The following KAT6A variants were observed in gnomAD, a reference collection of about 807,000 sequenced individuals.
The protein encoded by KAT6A is lysine acetyltransferase 6A.
A neutral mutation model predicts 198.4 loss-of-function variants in KAT6A; 9 were observed. That is an observed-to-expected ratio of 0.05 (90% CI 0.03 to 0.08). The LOEUF is 0.08. KAT6A is among the 10% of genes least tolerant of loss of function. The pLI is 1.00. For synonymous variants in KAT6A, 890 were observed against 883.0 expected (o/e 1.01, Z -0.14); for missense variants, 2,077 against 2,509.9 (o/e 0.83, Z 3.69).
chr8:41,976,488 G>A (rs1205225231), intron 7 of KAT6A, among the ~76,000 whole-genome samples: 1 of 152,144 alleles, frequency 6.6e-6, no homozygotes, highest in Non-Finnish European at 1.5e-5. Context: ...CTGTGGTTCT[G>A]TCTCTCCCTT....
intron 2 of KAT6A, among the ~76,000 whole-genome samples, chr8:42,031,367 T>A (rs1427331258): frequency 6.6e-6 from 1 of 152,178 alleles, no homozygotes; most frequent in Non-Finnish European, 1.5e-5. Flanking sequence ...CTAGAATACA[T>A]CTGATACCCT....
intron 2 of KAT6A, among the ~76,000 whole-genome samples, chr8:42,015,184 T>C (rs776390842): frequency 2.0e-4 from 31 of 152,216 alleles, no homozygotes; most frequent in Non-Finnish European, 4.1e-4. Context: ...ATATGTCCAA[T>C]GTGGTCTCAT....
At chr8:42,018,647 G>A (rs986299719) in intron 2 of KAT6A, among the ~76,000 whole-genome samples, 3 of 152,186 alleles carry the variant, frequency 2.0e-5, no homozygotes, top group South Asian at 2.1e-4. Flanking sequence ...AACAGGCTGG[G>A]CGAGGTGGCT....
At chr8:41,962,424 T>C (rs1207235636) in intron 8 of KAT6A, among the ~76,000 whole-genome samples, 1 of 152,146 alleles carries the variant, frequency 6.6e-6, no homozygotes, top group Admixed American at 6.5e-5. Context: ...GTCTTCCAAC[T>C]GTGTTCTGGC....
rs10701182 is a variant in KAT6A at position 42,006,995 on chromosome 8, C to CAAA, written c.601-19435_601-19433dup. 9.1e-3 allele frequency among the ~76,000 whole-genome samples: 801 copies of CAAA among 88,064 alleles called. 20 individuals are homozygous for CAAA. The highest frequency in any genetic ancestry group is 0.043 in the East Asian group (119 of 2,768). 57.8% of individuals were successfully genotyped at this position (88,064 alleles called of 152,430 possible). On this transcript the variant is annotated intron_variant, in intron 2 of 16. Coordinates refer to ENST00000265713, the MANE Select transcript of KAT6A (RefSeq NM_006766.5). ...TGGATGACAGAGCAAGACTCCATCT[C>CAAA]AAAAAAAAAAAAAAAAAAAAATCAG... is the stretch of plus-strand genomic sequence containing the variant.
chr8:41,938,581 T>C (rs1821957727), intron 15 of KAT6A, among the ~76,000 whole-genome samples: 1 of 152,186 alleles, frequency 6.6e-6, no homozygotes, highest in African/African-American at 2.4e-5. Flanking sequence ...ACTTGAAGCA[T>C]CTTGTAGTGC....
chr8:42,035,203 A>T (rs1827310921), intron 2 of KAT6A, among the ~76,000 whole-genome samples: 1 of 152,230 alleles, frequency 6.6e-6, no homozygotes, highest in Admixed American at 6.5e-5. Context: ...CAAAAGACAG[A>T]CAAGTGAGGT....
chr8:42,033,153 G>A (rs571388821), intron 2 of KAT6A, among the ~76,000 whole-genome samples: 3 of 152,196 alleles, frequency 2.0e-5, no homozygotes, highest in East Asian at 1.9e-4. Flanking sequence ...GATTACAGGC[G>A]TGAGCCACTG....
rs1284599418 is a variant in KAT6A at position 42,051,940 on chromosome 8, G to C, written c.-365C>G. On this transcript the variant is annotated 5_prime_UTR_variant, in exon 1 of 17. Transcript: ENST00000265713. ...GCCGAGATCCCGGGGCCCCGGGCCGGACCGCGGAGATGCCCCAAACTGACA... is the reference window on the plus strand; with the variant it reads ...GCCGAGATCCCGGGGCCCCGGGCCGCACCGCGGAGATGCCCCAAACTGACA... 1 of 151,248 alleles carries C rather than the reference G, an allele frequency of 6.6e-6. No individual in the cohort carries two copies. Among genetic ancestry groups the C allele is most frequent in the Non-Finnish European group, 1.5e-5 (1 of 67,732 alleles). 9.4% of individuals were successfully genotyped at this position (151,248 alleles called of 1,614,324 possible).
In KAT6A at chr8:41,990,610, A is replaced by G. The variant is rs199988879; in HGVS notation, c.601-3047T>C. Among the ~76,000 whole-genome samples the G allele has an allele frequency of 7.2e-5, 11 of 152,324 alleles. No individual in the cohort carries two copies. In the East Asian group the frequency reaches 9.6e-4, roughly 13 times the overall value. ...ACATGAAAGGCCAACAAACATAAGG[A>G]AAGATGTTCAACCTCATTAGTCACC... On this transcript the variant is annotated intron_variant, in intron 2 of 16. Coordinates refer to ENST00000265713, the MANE Select transcript of KAT6A (RefSeq NM_006766.5).
At position 42,034,334 on chromosome 8, in the gene KAT6A, A is replaced by C. The variant is rs534243636; in HGVS notation, c.600+14044T>G. ...TGGCTCAAGAATCTGCATTTTAAAC[A>C]AGTTTTTGGGGGATACTATTGCTGG... On this transcript the variant is annotated intron_variant, in intron 2 of 16. Transcript: ENST00000265713. Among the ~76,000 whole-genome samples, 11 of 152,234 alleles carry C rather than the reference A, an allele frequency of 7.2e-5. No homozygotes were observed. The South Asian group carries it at 2.3e-3, about 32-fold the overall frequency.
rs1419839407 is a variant in KAT6A, at chr8:41,931,416, T to C, written c.*789A>G. The C allele has an allele frequency of 2.4e-5, 5 of 208,956 alleles. No individual in the cohort carries two copies. The East Asian group carries it at 2.9e-4, about 12-fold the overall frequency. The allele number at this position is 208,956 out of a possible 1,614,324, so 12.9% of individuals were successfully genotyped here. ...TTTTCTCTGAGATTCTGCTGTTAATTGAGACTTACAGTATTTTTGTGTCTC... is the reference window on the plus strand; with the variant it reads ...TTTTCTCTGAGATTCTGCTGTTAATCGAGACTTACAGTATTTTTGTGTCTC... On this transcript the variant is annotated 3_prime_UTR_variant, in exon 17 of 17. Transcript: ENST00000265713.
At chr8:41,957,390 C>T (rs1464507758) in intron 8 of KAT6A, 2 of 450,148 alleles carry the variant, frequency 4.4e-6, no homozygotes, top group Non-Finnish European at 8.9e-6. Flanking sequence ...AATGGCTACA[C>T]AGAAACCACT....
At chr8:42,000,673 G>C (rs553284438) in intron 2 of KAT6A, among the ~76,000 whole-genome samples, 9 of 152,224 alleles carry the variant, frequency 5.9e-5, no homozygotes, top group East Asian at 3.9e-4. Flanking sequence ...TCGGCCAAAG[G>C]TTTAAGAACA....
chr8:41,969,950 T>C (rs897554783), intron 8 of KAT6A, among the ~76,000 whole-genome samples: 23 of 152,322 alleles, frequency 1.5e-4, no homozygotes, highest in African/African-American at 5.3e-4. Context: ...TATGTATAAA[T>C]TGTTACTTCT....
At chr8:42,051,587 C>A (rs1200995368) in intron 1 of KAT6A, among the ~76,000 whole-genome samples, 1 of 145,318 alleles carries the variant, frequency 6.9e-6, no homozygotes, top group East Asian at 2.0e-4. Context: ...CCGGCTCCCC[C>A]AGGGCGGGCC....
chr8:41,982,558 T>C (rs934019062), intron 3 of KAT6A, among the ~76,000 whole-genome samples: 2 of 152,224 alleles, frequency 1.3e-5, no homozygotes, highest in African/African-American at 4.8e-5. Context: ...TCCTAAGTTT[T>C]AAGCCGCACA....
intron 2 of KAT6A, among the ~76,000 whole-genome samples, chr8:42,015,403 C>T (rs536284384): frequency 6.6e-6 from 1 of 152,214 alleles, no homozygotes; most frequent in Admixed American, 6.5e-5. Flanking sequence ...AGATCCTATA[C>T]AAAGTCTTTC....
chr8:41,978,535 G>T, intron 6 of KAT6A, 107 bp downstream of exon 6: 2 of 1,109,712 alleles, frequency 1.8e-6, no homozygotes, highest in Non-Finnish European at 2.6e-6. Context: ...ATATAAAAGT[G>T]CCAGATATGA....
Sources: gnomAD v4.1 joint callset for allele counts (sites outside exome capture counted in the v4.1 genomes callset) on GRCh38, gnomAD v4.1.1 for gene constraint, MANE v1.5 for transcripts, NCBI Gene and HGNC (gene_info 2026-07-23, HGNC 2026-07-21) for gene names.